COX10: variants seen among roughly 807,000 people sequenced by gnomAD.
The protein encoded by COX10 is cytochrome c oxidase assembly factor heme A:farnesyltransferase COX10, also known as protoheme IX farnesyltransferase, mitochondrial.
In COX10, 27 loss-of-function variants were observed where a neutral mutation model predicts 37.3. The observed-to-expected ratio is 0.72, with a 90% CI of 0.53 to 1.00. COX10 has a LOEUF of 1.00. Among genes scored for constraint, COX10 ranks in the 50% least tolerant of loss-of-function variants. COX10 has a pLI of 0.00. For synonymous variants in COX10, 222 were observed against 229.1 expected, an observed-to-expected ratio of 0.97 and a Z score of 0.28; for missense variants, 475 against 563.2, an observed-to-expected ratio of 0.84 and a Z score of 1.59.
At chr17:14,182,853 C>T (rs1457164645) in intron 5 of COX10, among the ~76,000 whole-genome samples, 1 of 150,398 alleles carries the variant, frequency 6.6e-6, no homozygotes, top group Non-Finnish European at 1.5e-5. Flanking sequence ...CATTACTTAA[C>T]AGAAAAGCCA....
intron 6 of COX10, among the ~76,000 whole-genome samples, chr17:14,193,839 A>G (rs1376496100): frequency 1.3e-5 from 2 of 149,738 alleles, no homozygotes. Context: ...TCAAACCTTT[A>G]TAGTGATTGT....
At chr17:14,084,712 G>A (rs144675725) in intron 3 of COX10, among the ~76,000 whole-genome samples, 2,884 of 152,264 alleles carry the variant, frequency 0.019, 46 homozygotes, top group Non-Finnish European at 0.027. Context: ...CCAGTCTGGA[G>A]TGCAATGGCA....
chr17:14,163,248 T>C (rs965388350), intron 5 of COX10, among the ~76,000 whole-genome samples: 1 of 150,958 alleles, frequency 6.6e-6, no homozygotes, highest in Non-Finnish European at 1.5e-5. Flanking sequence ...TTTATTTATT[T>C]ATTTATTTAT....
At chr17:14,097,588 C>A (rs1448542241) in intron 3 of COX10, among the ~76,000 whole-genome samples, 2 of 152,102 alleles carry the variant, frequency 1.3e-5, no homozygotes, top group Non-Finnish European at 2.9e-5. Flanking sequence ...TTCATCACCC[C>A]ATCAAGCTCT....
chr17:14,176,175 G>C (rs902486038), intron 5 of COX10, among the ~76,000 whole-genome samples: 1 of 151,748 alleles, frequency 6.6e-6, no homozygotes, highest in South Asian at 2.1e-4. Flanking sequence ...CAAAATTCAG[G>C]CTGGCTACCA....
At chr17:14,137,977 A>G (rs908274447) in intron 4 of COX10, among the ~76,000 whole-genome samples, 1 of 118,532 alleles carries the variant, frequency 8.4e-6, no homozygotes, top group East Asian at 2.6e-4. Flanking sequence ...TTTTTACCAT[A>G]TTTCTACAAC....
Position 14,148,469 on chromosome 17 carries a change from C to T in COX10, c.625-11408C>T, listed in dbSNP as rs544783623. Among the ~76,000 whole-genome samples the T allele has an allele frequency of 9.2e-5, 14 of 152,030 alleles. No individual in the cohort carries two copies. The South Asian group carries it at 2.5e-3, about 27-fold the overall frequency. ...CCTTTTAACTTGGTCTGAGATTGAT[C>T]GAGACATTGTCTTGAACCCTGGAAG... is the stretch of plus-strand genomic sequence containing the variant. On this transcript the variant is annotated intron_variant, in intron 4 of 6. Transcript: ENST00000261643.
At chr17:14,187,540 A>G (rs1906070450) in intron 5 of COX10, among the ~76,000 whole-genome samples, 1 of 152,210 alleles carries the variant, frequency 6.6e-6, no homozygotes, top group South Asian at 2.1e-4. Context: ...CATTGGAAAA[A>G]GGCAGAGAAG....
chr17:14,176,106 T>G (rs1239585806), intron 5 of COX10, among the ~76,000 whole-genome samples: 1 of 152,016 alleles, frequency 6.6e-6, no homozygotes, highest in Non-Finnish European at 1.5e-5. Flanking sequence ...TGGCATGACT[T>G]GATGATAGCT....
intron 5 of COX10, among the ~76,000 whole-genome samples, chr17:14,185,089 C>T (rs1367426170): frequency 3.3e-5 from 5 of 151,332 alleles, no homozygotes; most frequent in Non-Finnish European, 5.9e-5. Context: ...AACACTTGAA[C>T]TGGAAGCAAA....
In COX10 at chr17:14,169,373, A is replaced by G. The variant is rs114918765; in HGVS notation, c.695+9426A>G. On this transcript the variant is annotated intron_variant, in intron 5 of 6. Transcript: ENST00000261643. ...TCTCCAGGAAGTTCCAGACATTCCC[A>G]CATCTTCCTGTCTTTTTCTGAGCCC... Among the ~76,000 whole-genome samples the G allele has an allele frequency of 2.2e-3, 338 of 152,176 alleles. 1 individual carries two copies. The highest frequency in any genetic ancestry group is 7.7e-3 in the African/African-American group (319 of 41,534).
chr17:14,176,124 G>C (rs1905681141), intron 5 of COX10, among the ~76,000 whole-genome samples: 1 of 152,014 alleles, frequency 6.6e-6, no homozygotes, highest in Admixed American at 6.6e-5. Flanking sequence ...GCTTGGACCA[G>C]GGTGGTCACA....
At chr17:14,112,845 T>C (rs1372129302) in intron 4 of COX10, among the ~76,000 whole-genome samples, 3 of 152,128 alleles carry the variant, frequency 2.0e-5, no homozygotes, top group Non-Finnish European at 4.4e-5. Flanking sequence ...CATTGCAGTG[T>C]AGCAGAAGCA....
chr17:14,111,020 C>G (rs1034916452), intron 4 of COX10, among the ~76,000 whole-genome samples: 4 of 152,076 alleles, frequency 2.6e-5, no homozygotes, highest in Non-Finnish European at 5.9e-5. Context: ...GACAGTAGAG[C>G]AGATGTTAAT....
chr17:14,195,700 A>G lies in COX10; in HGVS notation c.928+3479A>G, dbSNP rs372706581. Among the ~76,000 whole-genome samples, 12 of 152,344 alleles carry G rather than the reference A, an allele frequency of 7.9e-5. No individual in the cohort carries two copies. The East Asian group carries it at 1.9e-3, about 24-fold the overall frequency. Reference sequence around the variant, plus strand: ...GCAAACTTCAGAGAACATGATAATTACCTGGAGAGCTTACTAACACAAAGA... The same window carrying G: ...GCAAACTTCAGAGAACATGATAATTGCCTGGAGAGCTTACTAACACAAAGA... On this transcript the variant is annotated intron_variant, in intron 6 of 6. Coordinates refer to ENST00000261643, the MANE Select transcript of COX10 (RefSeq NM_001303.4).
chr17:14,200,560 C>A (rs867830549), intron 6 of COX10, among the ~76,000 whole-genome samples: 1 of 152,110 alleles, frequency 6.6e-6, no homozygotes, highest in African/African-American at 2.4e-5. Context: ...AGGGAAGTAA[C>A]GATGCCCTGC....
intron 4 of COX10, among the ~76,000 whole-genome samples, chr17:14,152,166 G>A (rs1426692180): frequency 6.6e-6 from 1 of 152,130 alleles, no homozygotes; most frequent in Non-Finnish European, 1.5e-5. Flanking sequence ...GGATATAAGG[G>A]CTGTATATTA....
intron 3 of COX10, among the ~76,000 whole-genome samples, chr17:14,080,879 T>C (rs1249546167): frequency 6.6e-6 from 1 of 152,250 alleles, no homozygotes; most frequent in Non-Finnish European, 1.5e-5. Context: ...TTTGTTTTTT[T>C]CATGCCTAGA....
intron 4 of COX10, among the ~76,000 whole-genome samples, chr17:14,133,659 T>C (rs1200575014): frequency 2.0e-5 from 3 of 151,638 alleles, no homozygotes; most frequent in African/African-American, 7.2e-5. Flanking sequence ...ATTAAAACTA[T>C]GAAATGGCAC....
Sources: allele counts gnomAD v4.1 joint callset (sites outside exome capture counted in the v4.1 genomes callset), GRCh38; gene constraint gnomAD v4.1.1; transcripts MANE v1.5; gene names NCBI Gene and HGNC (gene_info 2026-07-23, HGNC 2026-07-21).